Variants in TMEM132D observed in about 807,000 individuals in gnomAD.
TMEM132D encodes mature OL transmembrane protein.
In TMEM132D, 21 loss-of-function variants were observed where a neutral mutation model predicts 62.3. The ratio of observed to expected loss-of-function variants is 0.34; its 90% CI spans 0.24 to 0.49. TMEM132D has a LOEUF of 0.49. Among genes scored for constraint, TMEM132D ranks in the 20% least tolerant of loss-of-function variants. TMEM132D has a pLI of 0.99. For missense variants in TMEM132D, 1,346 were observed against 1,402.8 expected (o/e 0.96, Z 0.65); for synonymous variants, 621 against 575.6 (o/e 1.08, Z -1.13).
chr12:129,345,775 T>C (rs1237861751), intron 3 of TMEM132D, among the ~76,000 whole-genome samples: 1 of 152,198 alleles, frequency 6.6e-6, no homozygotes, highest in African/African-American at 2.4e-5. Flanking sequence ...CCTTGCATCC[T>C]AGGAATGAAG....
intron 3 of TMEM132D, among the ~76,000 whole-genome samples, chr12:129,517,106 A>G (rs1875704881): frequency 6.6e-6 from 1 of 152,106 alleles, no homozygotes; most frequent in Non-Finnish European, 1.5e-5. Context: ...CTATATATTG[A>G]CAAGCTATAG....
chr12:129,442,000 G>C (rs1216626083), intron 3 of TMEM132D, among the ~76,000 whole-genome samples: 2 of 152,126 alleles, frequency 1.3e-5, no homozygotes, highest in African/African-American at 2.4e-5. Flanking sequence ...GATAAGGAGA[G>C]AGGCAAGGCT....
At chr12:129,236,430 G>A (rs1879784762) in intron 4 of TMEM132D, among the ~76,000 whole-genome samples, 1 of 146,124 alleles carries the variant, frequency 6.8e-6, no homozygotes, top group Admixed American at 7.0e-5. Context: ...CAGGAGAATT[G>A]CTTGAACCTA....
chr12:129,270,765 T>C (rs1336478463), intron 4 of TMEM132D, among the ~76,000 whole-genome samples: 2 of 152,252 alleles, frequency 1.3e-5, no homozygotes, highest in African/African-American at 4.8e-5. Flanking sequence ...TTCTAAAGTG[T>C]TCCATTAACA....
At position 129,074,292 on chromosome 12, in the gene TMEM132D, A is replaced by G. The variant is rs560505488; in HGVS notation, c.2883T>C (p.Ser961=). The change falls in exon 9 of 9, where the codon TCT becomes TCC. Residue 961 remains serine, a synonymous_variant. Transcript: ENST00000422113. The part of the protein sequence containing the change: ...PFEEQEGMSH[S]HDWVGLSNRT... ...GGTTGCTTAACCCAACCCAGTCATG[A>G]GAGTGACTCATCCCTTCCTGCTCCT... 1.7e-5 allele frequency: 28 copies of G among 1,614,114 alleles called. No individual in the cohort carries two copies. In the Admixed American group the frequency reaches 4.2e-4, roughly 24 times the overall value.
intron 1 of TMEM132D, among the ~76,000 whole-genome samples, chr12:129,768,797 C>A (rs1163652831): frequency 6.6e-6 from 1 of 152,192 alleles, no homozygotes; most frequent in African/African-American, 2.4e-5. Context: ...ACTCAAGCCA[C>A]AAATAAATTG....
Position 129,573,106 on chromosome 12 carries a change from G to A in TMEM132D, c.969-41901C>T, listed in dbSNP as rs192528356. On this transcript the variant is annotated intron_variant, in intron 2 of 8. Coordinates refer to ENST00000422113, the MANE Select transcript of TMEM132D (RefSeq NM_133448.3). ...CAGGAGAGCAAAGCAGCTCTGTGTC[G>A]TGGTGCTAGGTGACTGCACAGCCAG... is the stretch of plus-strand genomic sequence containing the variant. 1.2e-3 allele frequency among the ~76,000 whole-genome samples: 176 copies of A among 152,226 alleles called. 1 individual carries two copies. Among genetic ancestry groups the A allele is most frequent in the South Asian group, 8.3e-4 (4 of 4,814 alleles).
intron 2 of TMEM132D, among the ~76,000 whole-genome samples, chr12:129,587,628 T>C (rs1363140087): frequency 2.6e-5 from 4 of 152,136 alleles, no homozygotes. Context: ...TGCAGATGCC[T>C]AGCTTTCTCC....
chr12:129,276,750 T>A (rs1199437750), intron 4 of TMEM132D, among the ~76,000 whole-genome samples: 1 of 152,224 alleles, frequency 6.6e-6, no homozygotes, highest in East Asian at 1.9e-4. Flanking sequence ...GATCCTTGCC[T>A]CCTCGTTTCC....
intron 3 of TMEM132D, among the ~76,000 whole-genome samples, chr12:129,419,654 G>A (rs970916291): frequency 3.9e-5 from 6 of 152,086 alleles, no homozygotes; most frequent in Non-Finnish European, 7.3e-5. Context: ...ATCTGCCTCC[G>A]GTTGCATTTT....
chr12:129,664,632 A>G (rs185120408), intron 2 of TMEM132D, among the ~76,000 whole-genome samples: 33 of 152,004 alleles, frequency 2.2e-4, no homozygotes, highest in African/African-American at 8.0e-4. Flanking sequence ...TCACCGTGTT[A>G]GCCAGGATGG....
intron 3 of TMEM132D, among the ~76,000 whole-genome samples, chr12:129,420,306 G>GATTTTTTT (rs1457529737): frequency 8.9e-6 from 1 of 112,300 alleles, no homozygotes; most frequent in African/African-American, 4.0e-5. Flanking sequence ...CACGTTCTCT[G>GATTTTTTT]TTTTTTTTTT....
At chr12:129,809,583 C>T (rs1382598572) in intron 1 of TMEM132D, among the ~76,000 whole-genome samples, 1 of 152,196 alleles carries the variant, frequency 6.6e-6, no homozygotes, top group African/African-American at 2.4e-5. Context: ...ACATCCTCAA[C>T]ATTATCAAGT....
chr12:129,403,861 G>T (rs1871692654), intron 3 of TMEM132D, among the ~76,000 whole-genome samples: 1 of 152,296 alleles, frequency 6.6e-6, no homozygotes, highest in African/African-American at 2.4e-5. Flanking sequence ...ATGAGGTGAG[G>T]GGTAGCCAAG....
At chr12:129,189,472 G>A (rs1003517418) in intron 5 of TMEM132D, among the ~76,000 whole-genome samples, 2 of 152,148 alleles carry the variant, frequency 1.3e-5, no homozygotes, top group African/African-American at 4.8e-5. Context: ...CACATGGTGA[G>A]GAAAGAGGGC....
chr12:129,413,837 T>C (rs1248515089), intron 3 of TMEM132D, among the ~76,000 whole-genome samples: 3 of 152,284 alleles, frequency 2.0e-5, no homozygotes, highest in Non-Finnish European at 2.9e-5. Context: ...TATCCAGAAA[T>C]AAGTAATATT....
chr12:129,455,592 C>G (rs551226964), intron 3 of TMEM132D, among the ~76,000 whole-genome samples: 218 of 152,176 alleles, frequency 1.4e-3, no homozygotes, highest in African/African-American at 5.0e-3. Context: ...AAGGAGGGCA[C>G]CATTTCACTG....
chr12:129,752,265 G>GTA (rs1870023272), intron 1 of TMEM132D, among the ~76,000 whole-genome samples: 1 of 152,064 alleles, frequency 6.6e-6, no homozygotes, highest in Non-Finnish European at 1.5e-5. Context: ...CTCAATGCAT[G>GTA]TATAGCATTA....
intron 1 of TMEM132D, among the ~76,000 whole-genome samples, chr12:129,835,033 C>T (rs1872959879): frequency 6.6e-6 from 1 of 152,176 alleles, no homozygotes; most frequent in South Asian, 2.1e-4. Context: ...AGTGTAACAT[C>T]AGCCGTATGC....
Sources: allele counts gnomAD v4.1 joint callset (sites outside exome capture counted in the v4.1 genomes callset), GRCh38; gene constraint gnomAD v4.1.1; transcripts MANE v1.5; gene names NCBI Gene and HGNC (gene_info 2026-07-23, HGNC 2026-07-21).